Variants in DLG2 observed in about 807,000 individuals in gnomAD.
DLG2 encodes disks large homolog 2.
Under a neutral mutation model 132.5 loss-of-function variants are expected in DLG2, and 45 were observed. That is an observed-to-expected ratio of 0.34 (90% CI 0.27 to 0.44). The LOEUF (loss-of-function observed/expected upper bound fraction) is 0.44. DLG2 is among the 20% of genes least tolerant of loss of function. The probability of loss-of-function intolerance (pLI) is 1.00; values close to 1 mark genes in which losing one functional copy is unlikely to be tolerated. For missense variants in DLG2, 1,045 were observed against 1,196.9 expected (o/e 0.87, Z 1.87); for synonymous variants, 424 against 419.6 (o/e 1.01, Z -0.13).
intron 3 of DLG2, among the ~76,000 whole-genome samples, chr11:85,445,023 A>C (rs1302666508): frequency 1.3e-5 from 2 of 152,210 alleles, no homozygotes; most frequent in East Asian, 3.8e-4. Flanking sequence ...AAAATAAAAT[A>C]AGAGAAAGAA....
intron 3 of DLG2, among the ~76,000 whole-genome samples, chr11:85,314,428 T>C (rs773578997): frequency 8.6e-5 from 13 of 151,924 alleles, no homozygotes; most frequent in Non-Finnish European, 1.9e-4. Flanking sequence ...TATATCTATA[T>C]GTATATATAT....
intron 19 of DLG2, among the ~76,000 whole-genome samples, chr11:83,600,425 C>T (rs2058357824): frequency 6.6e-6 from 1 of 152,132 alleles, no homozygotes; most frequent in African/African-American, 2.4e-5. Flanking sequence ...AAAGTCCATT[C>T]CTGAATATAA....
intron 18 of DLG2, among the ~76,000 whole-genome samples, chr11:83,737,906 T>C (rs1257995377): frequency 6.6e-6 from 1 of 152,176 alleles, no homozygotes; most frequent in Non-Finnish European, 1.5e-5. Context: ...ACTTATTCTT[T>C]TGGTGATGCT....
At chr11:84,152,603 G>C (rs960218659) in intron 9 of DLG2, among the ~76,000 whole-genome samples, 1 of 151,954 alleles carries the variant, frequency 6.6e-6, no homozygotes, top group Non-Finnish European at 1.5e-5. Context: ...AGCCAGGATG[G>C]TCTCGATCTC....
At chr11:85,162,163 G>A (rs771839773) in intron 4 of DLG2, among the ~76,000 whole-genome samples, 25 of 152,102 alleles carry the variant, frequency 1.6e-4, no homozygotes, top group Non-Finnish European at 2.6e-4. Context: ...TGACTGACCC[G>A]GACTATCAAG....
chr11:84,761,858 A>G (rs1468154042), intron 6 of DLG2, among the ~76,000 whole-genome samples: 2 of 152,120 alleles, frequency 1.3e-5, no homozygotes, highest in African/African-American at 4.8e-5. Context: ...CTCTTCATAT[A>G]TTCATCTATC....
chr11:84,972,699 G>A (rs746390791), intron 6 of DLG2, among the ~76,000 whole-genome samples: 2 of 152,100 alleles, frequency 1.3e-5, no homozygotes, highest in African/African-American at 2.4e-5. Flanking sequence ...GTGTTCTCCC[G>A]AATATTAAAT....
At chr11:83,933,392 A>G (rs1461079543) in intron 14 of DLG2, among the ~76,000 whole-genome samples, 1 of 152,240 alleles carries the variant, frequency 6.6e-6, no homozygotes, top group Non-Finnish European at 1.5e-5. Flanking sequence ...CTCTAAGTGA[A>G]TTTATAAACA....
At chr11:85,380,863 C>A (rs1344871345) in intron 3 of DLG2, among the ~76,000 whole-genome samples, 2 of 152,152 alleles carry the variant, frequency 1.3e-5, no homozygotes, top group Non-Finnish European at 2.9e-5. Flanking sequence ...TTTAAGTCAT[C>A]CAGTTGTCCA....
chr11:84,101,661 TC>T (rs1317837084), intron 9 of DLG2, among the ~76,000 whole-genome samples: 2 of 152,066 alleles, frequency 1.3e-5, no homozygotes, highest in African/African-American at 4.8e-5. Flanking sequence ...TTCTCTAAGA[TC>T]CAGAGGTTTG....
intron 7 of DLG2, among the ~76,000 whole-genome samples, chr11:84,280,654 G>A (rs2097844423): frequency 1.3e-5 from 2 of 152,022 alleles, no homozygotes; most frequent in South Asian, 4.1e-4. Context: ...ATCCCAGATA[G>A]TGACTACAGG....
At chr11:83,790,202 T>A (rs1411586522) in intron 17 of DLG2, 1 of 871,590 alleles carries the variant, frequency 1.1e-6, no homozygotes, top group East Asian at 2.4e-5. Flanking sequence ...GACTGAATGC[T>A]CAATTAGATC....
At chr11:84,353,707 G>T (rs890287992) in intron 7 of DLG2, among the ~76,000 whole-genome samples, 1 of 152,056 alleles carries the variant, frequency 6.6e-6, no homozygotes, top group African/African-American at 2.4e-5. Context: ...GTATGTTTTT[G>T]TCATCATTTT....
intron 4 of DLG2, among the ~76,000 whole-genome samples, chr11:85,272,411 T>C (rs2077592584): frequency 6.6e-6 from 1 of 152,210 alleles, no homozygotes; most frequent in African/African-American, 2.4e-5. Context: ...TTGTGGAGAC[T>C]GATATGTCTT....
chr11:83,975,850 A>T (rs976197924), intron 12 of DLG2, among the ~76,000 whole-genome samples: 1 of 151,926 alleles, frequency 6.6e-6, no homozygotes, highest in Admixed American at 6.6e-5. Context: ...CATTTACAGG[A>T]AAATATATTT....
chr11:83,577,586 A>ATATATATATATATATC (rs1315103866), intron 19 of DLG2, among the ~76,000 whole-genome samples: 2 of 118,872 alleles, frequency 1.7e-5, no homozygotes, highest in East Asian at 2.3e-4. Flanking sequence ...ATATATATAT[A>ATATATATATATATATC]TCCTATTTAT....
At chr11:84,723,882 T>A (rs1183152694) in intron 6 of DLG2, among the ~76,000 whole-genome samples, 1 of 152,216 alleles carries the variant, frequency 6.6e-6, no homozygotes, top group African/African-American at 2.4e-5. Flanking sequence ...TTTCTCCTAA[T>A]GACAACTTTC....
intron 6 of DLG2, among the ~76,000 whole-genome samples, chr11:84,732,458 C>T (rs1362685641): frequency 6.6e-6 from 1 of 151,986 alleles, no homozygotes; most frequent in East Asian, 1.9e-4. Context: ...TGTAGCCATT[C>T]TAATAGATGT....
intron 7 of DLG2, among the ~76,000 whole-genome samples, chr11:84,335,813 T>C (rs543698268): frequency 1.0e-3 from 153 of 152,270 alleles, no homozygotes; most frequent in African/African-American, 3.4e-3. Flanking sequence ...GTAATGATTG[T>C]CATGAACTTG....
Sources: gnomAD v4.1 joint callset for allele counts (sites outside exome capture counted in the v4.1 genomes callset) on GRCh38, gnomAD v4.1.1 for gene constraint, MANE v1.5 for transcripts, NCBI Gene and HGNC (gene_info 2026-07-23, HGNC 2026-07-21) for gene names.